Variants in PTCH1 observed in about 807,000 individuals in gnomAD.
The protein encoded by PTCH1 is protein patched homolog 1.
PTCH1 carries 14 observed loss-of-function variants against 144.6 expected under a neutral mutation model. The observed-to-expected ratio is 0.10, with a 90% CI of 0.06 to 0.15. PTCH1 has a LOEUF of 0.15. Ranked by LOEUF, PTCH1 falls within the 10% of genes least tolerant of loss-of-function variation. The pLI, the probability that PTCH1 is intolerant of heterozygous loss-of-function variation, is 1.00. For missense variants in PTCH1, 1,623 were observed against 1,948.3 expected (o/e 0.83, Z 3.14); for synonymous variants, 833 against 793.6 (o/e 1.05, Z -0.83).
chr9:95,480,202 AG>A, intron 6 of PTCH1, 112 bp from the exon 7 acceptor site: 2 of 1,566,910 alleles, frequency 1.3e-6, no homozygotes, highest in Non-Finnish European at 1.7e-6. Context: ...ATTAATAGCA[AG>A]GCTAATGGGA....
At chr9:95,474,241 G>A in intron 12 of PTCH1, 1 of 326,626 alleles carries the variant, frequency 3.1e-6, no homozygotes, top group South Asian at 2.6e-5. Context: ...CAGAAAAGAA[G>A]GGGAGAGGAG....
In PTCH1 at chr9:95,479,122, G is replaced by T; in HGVS notation, c.1093C>A (p.Gln365Lys). The change falls in exon 8 of 24, where the codon CAG becomes AAG. Residue 365 changes from glutamine to lysine, a missense_variant. By Grantham distance (53) the Gln-to-Lys change is moderately conservative. This residue lies in a region of PTCH1 where 230 missense variants were observed against 271.0 expected (regional missense o/e 0.85). Coordinates refer to ENST00000331920, the MANE Select transcript of PTCH1 (RefSeq NM_000264.5). ...VSAHALQTMF[Q>K]LMTPKQMYEH... ...TACATTTGCTTGGGAGTCATTAACT[G>T]GAACATGGTCTGCAGGGCATGGGCG... 1 of 1,614,088 alleles carries T rather than the reference G, an allele frequency of 6.2e-7. No individual in the cohort carries two copies. Among genetic ancestry groups the T allele is most frequent in the Non-Finnish European group, 8.5e-7 (1 of 1,180,020 alleles).
At chr9:95,504,802 G>A (rs987667276) in intron 2 of PTCH1, among the ~76,000 whole-genome samples, 4 of 151,386 alleles carry the variant, frequency 2.6e-5, no homozygotes, top group Non-Finnish European at 5.9e-5. Context: ...TTTCAGCTGT[G>A]AACCCAAATG....
rs28446339 is a variant in PTCH1 at position 95,453,540 on chromosome 9, G to A, written c.3387C>T (p.Gly1129=). The part of the protein sequence containing the change: ...LEHMFAPVLD[G]AVSTLLGVLM... Reference sequence around the variant, plus strand: ...GCACTCCCAGCAGAGTGGACACGGCGCCATCCAGGACGGGTGCAAACATGT... The same window carrying A: ...GCACTCCCAGCAGAGTGGACACGGCACCATCCAGGACGGGTGCAAACATGT... The change falls in exon 20 of 24, where the codon GGC becomes GGT. Residue 1129 remains glycine (G), a synonymous_variant. Coordinates refer to ENST00000331920, the MANE Select transcript of PTCH1 (RefSeq NM_000264.5). The A allele has an allele frequency of 4.9e-4, 795 of 1,614,100 alleles. 12 individuals are homozygous for A. In the East Asian group the frequency reaches 0.012, roughly 25 times the overall value.
chr9:95,506,495 C>G lies in PTCH1; in HGVS notation c.306G>C (p.Leu102Phe), dbSNP rs199522392. 18 of 1,613,770 alleles carry G rather than the reference C, an allele frequency of 1.1e-5. No homozygotes were observed. The highest frequency in any genetic ancestry group is 1.4e-5 in the Non-Finnish European group (17 of 1,179,818). ...CYIQKNCGKF[L>F]VVGLLIFGAF... is the part of the protein sequence containing the mutation. ...CCCCAAATATGAGGAGGCCCACAAC[C>G]AAGAACTTGCCGCAGTTTTTTTGAA... Residue 102 changes from leucine to phenylalanine, a missense_variant, in exon 2 of 24, where the codon TTG (leucine) becomes TTC (phenylalanine). By Grantham distance (22) the Leu-to-Phe change is conservative. Transcript: ENST00000331920.
chr9:95,516,102 G>A (rs1311403944), intron 1 of PTCH1, among the ~76,000 whole-genome samples: 2 of 152,024 alleles, frequency 1.3e-5, no homozygotes, highest in African/African-American at 4.8e-5. Context: ...CCAAGGTGGC[G>A]ACCCTTTCAG....
At chr9:95,450,190 T>A in intron 20 of PTCH1, 2 of 518,724 alleles carry the variant, frequency 3.9e-6, no homozygotes, top group Non-Finnish European at 7.0e-6. Flanking sequence ...AAAAAAAAAA[T>A]TAGTTTGTTA....
intron 12 of PTCH1, among the ~76,000 whole-genome samples, chr9:95,475,503 A>G (rs1840948911): frequency 6.6e-6 from 1 of 152,176 alleles, no homozygotes; most frequent in African/African-American, 2.4e-5. Context: ...ACCCTGCAGG[A>G]AATTCTCCAC....
intron 2 of PTCH1, chr9:95,503,179 G>A (rs1299750581): frequency 6.6e-6 from 1 of 152,130 alleles, no homozygotes; most frequent in Non-Finnish European, 1.5e-5. Context: ...TTCATGTCTA[G>A]AACCTTAAGA....
At chr9:95,454,707 C>T (rs1838767390) in intron 19 of PTCH1, among the ~76,000 whole-genome samples, 2 of 152,202 alleles carry the variant, frequency 1.3e-5, no homozygotes, top group Admixed American at 6.5e-5. Flanking sequence ...AGCAAATGAA[C>T]GGGAACCCAC....
chr9:95,479,954 C>T lies in PTCH1; in HGVS notation c.1067+15G>A, dbSNP rs773933111. On this transcript the variant is annotated intron_variant, in intron 7 of 23. Transcript: ENST00000331920. ...AAGACTACAGGGCATAGATTGTCCT[C>T]GGGAGCTGGCTTACCTGACGAGTTT... 5.0e-6 allele frequency: 8 copies of T among 1,614,140 alleles called. No individual in the cohort carries two copies. The highest frequency in any genetic ancestry group is 3.3e-5 in the Admixed American group (2 of 60,008).
rs2117973513 is a variant in PTCH1, at chr9:95,467,383, G to C, written c.2293C>G (p.Leu765Val). 2 of 1,614,184 alleles carry C rather than the reference G, an allele frequency of 1.2e-6. No homozygotes were observed. Among genetic ancestry groups the C allele is most frequent in the Non-Finnish European group, 8.5e-7 (1 of 1,180,038 alleles). The change falls in exon 15 of 24, where the codon CTT becomes GTT. Residue 765 changes from leucine (L) to valine (V), a missense_variant. Around this residue, in one of 7 missense-constraint regions of PTCH1, gnomAD observed 504 missense variants for 679.3 expected, o/e 0.74. Coordinates refer to ENST00000331920, the MANE Select transcript of PTCH1 (RefSeq NM_000264.5). ...FLFLGLLGVS[L>V]YGTTRVRDGL... is the part of the protein sequence containing the mutation. ...TCTCTCACTCGGGTGGTGCCATAAA[G>C]GCTGACCCCCAGCAAGCCCAGAAAA...
chr9:95,462,905 A>C (rs1427985558), intron 15 of PTCH1, among the ~76,000 whole-genome samples: 2 of 152,184 alleles, frequency 1.3e-5, no homozygotes, highest in African/African-American at 4.8e-5. Context: ...TAAAGAGATA[A>C]GCATGTTGGA....
intron 6 of PTCH1, 122 bp downstream of exon 6, chr9:95,480,268 T>C (rs906557245): frequency 2.7e-5 from 42 of 1,534,878 alleles, no homozygotes; most frequent in African/African-American, 1.7e-4. Flanking sequence ...CTTAGTTCCA[T>C]AGACAAAGAC....
At chr9:95,485,275 C>CA (rs1191876021) in intron 3 of PTCH1, among the ~76,000 whole-genome samples, 1 of 152,150 alleles carries the variant, frequency 6.6e-6, no homozygotes, top group Non-Finnish European at 1.5e-5. Flanking sequence ...CTGTGTGACA[C>CA]AAAACAACTA....
chr9:95,506,341 A>G, intron 2 of PTCH1, 66 bp downstream of exon 2: 1 of 1,543,208 alleles, frequency 6.5e-7, no homozygotes, highest in Non-Finnish European at 8.8e-7. Context: ...TGCGCTGGCG[A>G]ATATCTCTAT....
rs1300249509 is a variant in PTCH1 at position 95,508,182 on chromosome 9, G to A, written c.180C>T (p.Phe60=). 6.2e-7 allele frequency: 1 copy of A among 1,612,726 alleles called. No homozygotes were observed. Among genetic ancestry groups the A allele is most frequent in the East Asian group, 2.2e-5 (1 of 44,850 alleles). Residue 60 remains phenylalanine, a synonymous_variant, in exon 1 of 24, where the codon TTC becomes TTT. Coordinates refer to ENST00000331920, the MANE Select transcript of PTCH1 (RefSeq NM_000264.5). The stretch of plus-strand genomic sequence containing the variant: ...GCACCTTGGAAATCTGCTCCAGAGC[G>A]AAGGCGGCGTCGCAGTAGCTGGGCC... ...LHRPSYCDAA[F]ALEQISKGKA...
intron 3 of PTCH1, chr9:95,483,921 C>T (rs1449112007): frequency 6.6e-6 from 1 of 152,150 alleles, no homozygotes; most frequent in Non-Finnish European, 1.5e-5. Flanking sequence ...GGCTTGAAGC[C>T]AGAAAAAGGC....
intron 10 of PTCH1, among the ~76,000 whole-genome samples, chr9:95,477,230 T>G (rs1485546540): frequency 2.0e-5 from 3 of 152,138 alleles, no homozygotes; most frequent in Non-Finnish European, 4.4e-5. Context: ...GGCCTGGCAA[T>G]CGGAGCTTTC....
Sources: allele counts gnomAD v4.1 joint callset (sites outside exome capture counted in the v4.1 genomes callset), GRCh38; gene constraint gnomAD v4.1.1; regional missense constraint gnomAD v4.1.1; transcripts MANE v1.5; gene names NCBI Gene and HGNC (gene_info 2026-07-23, HGNC 2026-07-21).